NFATC2: variants seen among roughly 807,000 people sequenced by gnomAD.
NFATC2 encodes nuclear factor of activated T-cells, cytoplasmic 2.
NFATC2 carries 22 observed loss-of-function variants against 87.3 expected under a neutral mutation model. The ratio of observed to expected loss-of-function variants is 0.25; its 90% CI spans 0.18 to 0.36. The LOEUF (loss-of-function observed/expected upper bound fraction) is 0.36, where lower values mean the gene tolerates loss of function less well. Among genes scored for constraint, NFATC2 ranks in the 10% least tolerant of loss-of-function variants. The probability of loss-of-function intolerance (pLI) is 1.00; values close to 1 mark genes in which losing one functional copy is unlikely to be tolerated. For missense variants in NFATC2, 1,149 were observed against 1,259.1 expected, an observed-to-expected ratio of 0.91 and a Z score of 1.32; for synonymous variants, 565 against 542.2, an observed-to-expected ratio of 1.04 and a Z score of -0.58.
chr20:51,397,708 T>G (rs76558160), intron 10 of NFATC2, among the ~76,000 whole-genome samples: 1,842 of 152,228 alleles, frequency 0.012, 43 homozygotes, highest in African/African-American at 0.043. Flanking sequence ...CAGGGCTTCC[T>G]TCTGCCATAG....
At chr20:51,466,023 GC>G (rs1987646765) in intron 5 of NFATC2, among the ~76,000 whole-genome samples, 1 of 152,148 alleles carries the variant, frequency 6.6e-6, no homozygotes, top group Non-Finnish European at 1.5e-5. Flanking sequence ...ACAAAGCGAA[GC>G]ACAGTCAACA....
At chr20:51,430,241 C>T (rs1331312047) in intron 9 of NFATC2, among the ~76,000 whole-genome samples, 4 of 152,164 alleles carry the variant, frequency 2.6e-5, no homozygotes, top group Non-Finnish European at 5.9e-5. Context: ...CACAGACACT[C>T]ATTTATTTAT....
chr20:51,486,842 G>A (rs1271337025), intron 3 of NFATC2, among the ~76,000 whole-genome samples: 2 of 152,050 alleles, frequency 1.3e-5, no homozygotes, highest in Admixed American at 1.3e-4. Flanking sequence ...TATCATTTGA[G>A]CCAGTCTGCA....
intron 9 of NFATC2, among the ~76,000 whole-genome samples, chr20:51,415,021 T>C (rs1652107867): frequency 6.6e-6 from 1 of 151,792 alleles, no homozygotes; most frequent in South Asian, 2.1e-4. Context: ...AGGCCAAAGT[T>C]GGTGGATTCC....
chr20:51,454,241 A>T (rs888011805), intron 6 of NFATC2, among the ~76,000 whole-genome samples: 2 of 152,200 alleles, frequency 1.3e-5, no homozygotes, highest in African/African-American at 4.8e-5. Flanking sequence ...CCTTCTTGAT[A>T]ATAGCAAAAA....
chr20:51,400,831 G>T (rs971526999), intron 9 of NFATC2, among the ~76,000 whole-genome samples: 7 of 151,934 alleles, frequency 4.6e-5, no homozygotes, highest in African/African-American at 1.5e-4. Flanking sequence ...GGGGCGACTT[G>T]TCCAGGAACA....
chr20:51,511,709 C>T (rs761935891), intron 3 of NFATC2, among the ~76,000 whole-genome samples: 1 of 152,208 alleles, frequency 6.6e-6, no homozygotes, highest in African/African-American at 2.4e-5. Context: ...ACCTTCTAGT[C>T]CTTACCACCT....
At chr20:51,530,583 G>A (rs2076616960) in intron 1 of NFATC2, among the ~76,000 whole-genome samples, 1 of 152,166 alleles carries the variant, frequency 6.6e-6, no homozygotes, top group African/African-American at 2.4e-5. Context: ...CCTACCATGG[G>A]AGGTACCTGG....
chr20:51,437,948 C>T (rs1983802996), intron 6 of NFATC2, among the ~76,000 whole-genome samples: 1 of 152,208 alleles, frequency 6.6e-6, no homozygotes, highest in Non-Finnish European at 1.5e-5. Flanking sequence ...ATCACCCATG[C>T]CCCCTTGATG....
At chr20:51,538,911 TCCCAGACA>T (rs1244666074) in intron 1 of NFATC2, among the ~76,000 whole-genome samples, 2 of 152,194 alleles carry the variant, frequency 1.3e-5, no homozygotes, top group Non-Finnish European at 2.9e-5. Flanking sequence ...CCTGCCATGG[TCCCAGACA>T]CCTTGCTAAC....
chr20:51,535,320 G>A (rs1421886732), intron 1 of NFATC2, among the ~76,000 whole-genome samples: 3 of 152,162 alleles, frequency 2.0e-5, no homozygotes, highest in African/African-American at 7.2e-5. Flanking sequence ...AGCCACCTCT[G>A]CGAGTTTGGT....
rs1380674994 is a variant in NFATC2, at chr20:51,562,274, A to G, written c.70+286T>C. 6.6e-6 allele frequency among the ~76,000 whole-genome samples: 1 copy of G among 152,232 alleles called. No homozygotes were observed. The highest frequency in any genetic ancestry group is 1.5e-5 in the Non-Finnish European group (1 of 68,030). ...GAGAATCCCTCCCGGTGTCCCGTGGAGAGGAAAATCCTCCCGACAGACTGG... is the reference window on the plus strand; with the variant it reads ...GAGAATCCCTCCCGGTGTCCCGTGGGGAGGAAAATCCTCCCGACAGACTGG... On this transcript the variant is annotated intron_variant, in intron 1 of 10. Transcript: ENST00000414705. The surrounding 1 kb of genome is among the most constrained non-coding windows in gnomAD (Gnocchi z 5.8).
chr20:51,419,275 A>G (rs995066543), intron 9 of NFATC2, among the ~76,000 whole-genome samples: 2 of 152,218 alleles, frequency 1.3e-5, no homozygotes. Flanking sequence ...AGCTATGCAC[A>G]TGACTGGGTA....
Position 51,435,780 on chromosome 20 carries a change from GAC to G in NFATC2, c.1850-21_1850-20del. On this transcript the variant is annotated intron_variant, in intron 6 of 10. Transcript: ENST00000371564. ...TGTCCATCTAGAAAAATTCAAAAAT[GAC>G]AGACTTTGAAGGAACTATTAGAAAC... 9 of 1,582,588 alleles carry G rather than the reference GAC, an allele frequency of 5.7e-6. No homozygotes were observed. The highest frequency in any genetic ancestry group is 6.9e-6 in the Non-Finnish European group (8 of 1,161,672).
rs894448453 is a variant in NFATC2, at chr20:51,556,979, C to T, written c.70+5581G>A. 2.0e-5 allele frequency among the ~76,000 whole-genome samples: 3 copies of T among 152,134 alleles called. No individual in the cohort carries two copies. The East Asian group carries it at 5.8e-4, about 29-fold the overall frequency. ...GACTCCAGACTTCGTGGCGGGCTGG[C>T]TCCTTTAGGGGGCTGGGGCCTTCCT... On this transcript the variant is annotated intron_variant, in intron 1 of 10. Coordinates refer to the NFATC2 transcript ENST00000414705.
upstream of NFATC2, among the ~76,000 whole-genome samples, chr20:51,545,880 T>C (rs1480338258): frequency 6.6e-6 from 1 of 152,124 alleles, no homozygotes; most frequent in East Asian, 1.9e-4. Flanking sequence ...AGTGAATGTG[T>C]TGCACGGATG....
intron 6 of NFATC2, among the ~76,000 whole-genome samples, chr20:51,437,022 C>T (rs1054556284): frequency 1.5e-4 from 23 of 148,808 alleles, no homozygotes; most frequent in Non-Finnish European, 3.3e-4. Flanking sequence ...TCATGTCACT[C>T]ATAACTACTG....
intron 9 of NFATC2, among the ~76,000 whole-genome samples, chr20:51,422,843 C>G (rs1600700438): frequency 6.6e-6 from 1 of 152,084 alleles, no homozygotes; most frequent in Non-Finnish European, 1.5e-5. Flanking sequence ...GGAAGGAGCA[C>G]AGAGAATAAT....
Position 51,475,487 on chromosome 20 carries a change from G to C in NFATC2, c.1506C>G (p.Pro502=). 6.2e-7 allele frequency: 1 copy of C among 1,613,972 alleles called. No individual in the cohort carries two copies. The highest frequency in any genetic ancestry group is 8.5e-7 in the Non-Finnish European group (1 of 1,180,020). ...CCCTCATGTTGTTTTTGGGCTCCAA[G>C]GGTATCTCCAGGACTTTGGTGTTGC... ...IVGNTKVLEI[P]LEPKNNMRAT... is the part of the protein sequence containing the mutation. The change falls in exon 4 of 11, where the codon CCC becomes CCG. Residue 502 remains proline, a synonymous_variant. Transcript: ENST00000371564.
Sources: gnomAD v4.1 joint callset for allele counts (sites outside exome capture counted in the v4.1 genomes callset) on GRCh38, gnomAD v4.1.1 for gene constraint, Gnocchi (gnomAD v3.1) non-coding constraint, MANE v1.5 for transcripts, NCBI Gene and HGNC (gene_info 2026-07-23, HGNC 2026-07-21) for gene names.